The following HS6ST3 variants were observed in gnomAD, a reference collection of about 807,000 sequenced individuals.
The protein encoded by HS6ST3 is heparan sulfate 6-O-sulfotransferase 3, also known as heparan-sulfate 6-O-sulfotransferase 3.
A neutral mutation model predicts 36.7 loss-of-function variants in HS6ST3; 12 were observed. The ratio of observed to expected loss-of-function variants is 0.33; its 90% CI spans 0.21 to 0.53. HS6ST3 has a LOEUF of 0.53. HS6ST3 is among the 20% of genes least tolerant of loss of function. The probability of loss-of-function intolerance (pLI) is 0.95; values close to 1 mark genes in which losing one functional copy is unlikely to be tolerated. For synonymous variants in HS6ST3, 240 were observed against 257.5 expected, an observed-to-expected ratio of 0.93 and a Z score of 0.65; for missense variants, 584 against 640.9, an observed-to-expected ratio of 0.91 and a Z score of 0.96.
chr13:96,340,446 G>C (rs377032855), intron 1 of HS6ST3, among the ~76,000 whole-genome samples: 1 of 152,158 alleles, frequency 6.6e-6, no homozygotes, highest in African/African-American at 2.4e-5. Context: ...TGTGACATAG[G>C]GTTGATGTGA....
At chr13:96,475,019 G>GA (rs1324835952) in intron 1 of HS6ST3, among the ~76,000 whole-genome samples, 4 of 151,900 alleles carry the variant, frequency 2.6e-5, no homozygotes, top group African/African-American at 9.7e-5. Context: ...TTCCTTAGGA[G>GA]AAAATGCAAG....
At chr13:96,104,551 C>T (rs1047116794) in intron 1 of HS6ST3, among the ~76,000 whole-genome samples, 3 of 152,234 alleles carry the variant, frequency 2.0e-5, no homozygotes, top group Admixed American at 6.5e-5. Flanking sequence ...CCTTCCAGCA[C>T]ACTTTTTGTA....
chr13:96,095,335 A>G (rs2053785028), intron 1 of HS6ST3, among the ~76,000 whole-genome samples: 1 of 152,234 alleles, frequency 6.6e-6, no homozygotes, highest in African/African-American at 2.4e-5. Flanking sequence ...CCATTCTTAA[A>G]TAATGATGGA....
intron 1 of HS6ST3, among the ~76,000 whole-genome samples, chr13:96,441,264 A>G (rs1438722198): frequency 6.6e-6 from 1 of 152,136 alleles, no homozygotes; most frequent in East Asian, 1.9e-4. Flanking sequence ...AACTAAGATA[A>G]AGACTTGAAA....
At chr13:96,689,207 C>T (rs778406794) in intron 1 of HS6ST3, among the ~76,000 whole-genome samples, 3 of 152,010 alleles carry the variant, frequency 2.0e-5, no homozygotes, top group Non-Finnish European at 4.4e-5. Context: ...AGGGTTACCA[C>T]TGTACAGAGT....
chr13:96,644,318 T>C (rs2056580637), intron 1 of HS6ST3, among the ~76,000 whole-genome samples: 1 of 152,086 alleles, frequency 6.6e-6, no homozygotes, highest in Non-Finnish European at 1.5e-5. Context: ...AATTATGTCA[T>C]ATAGATTCGG....
chr13:96,431,541 T>C (rs2055615878), intron 1 of HS6ST3, among the ~76,000 whole-genome samples: 3 of 152,202 alleles, frequency 2.0e-5, no homozygotes, highest in Non-Finnish European at 1.5e-5. Flanking sequence ...TTGAGACATT[T>C]TTTAGCATCT....
At chr13:96,383,431 C>A (rs1431660288) in intron 1 of HS6ST3, among the ~76,000 whole-genome samples, 1 of 151,450 alleles carries the variant, frequency 6.6e-6, no homozygotes, top group Non-Finnish European at 1.5e-5. Context: ...GGTGATTGAG[C>A]AAGACTTGGT....
chr13:96,289,444 C>G (rs979234895), intron 1 of HS6ST3, among the ~76,000 whole-genome samples: 3 of 152,050 alleles, frequency 2.0e-5, no homozygotes, highest in Non-Finnish European at 2.9e-5. Flanking sequence ...TATATGGAAA[C>G]AATCCATGAT....
intron 1 of HS6ST3, among the ~76,000 whole-genome samples, chr13:96,684,255 T>C (rs1874700947): frequency 6.6e-6 from 1 of 152,096 alleles, no homozygotes; most frequent in African/African-American, 2.4e-5. Context: ...TACCTTTTCA[T>C]TGGTTTTTCT....
At chr13:96,186,719 C>T (rs919649811) in intron 1 of HS6ST3, among the ~76,000 whole-genome samples, 27 of 152,092 alleles carry the variant, frequency 1.8e-4, no homozygotes, top group African/African-American at 6.5e-4. Context: ...ACATTTTTCC[C>T]CTGAATGTTC....
intron 1 of HS6ST3, among the ~76,000 whole-genome samples, chr13:96,712,320 A>T (rs1380074790): frequency 2.0e-5 from 3 of 152,194 alleles, no homozygotes; most frequent in Admixed American, 6.5e-5. Flanking sequence ...CCAGATCTCT[A>T]TAGATACTTC....
intron 1 of HS6ST3, among the ~76,000 whole-genome samples, chr13:96,348,204 TTCAAGGATG>T (rs555294268): frequency 4.1e-4 from 62 of 152,292 alleles, no homozygotes; most frequent in Non-Finnish European, 4.7e-4. Context: ...GACTGGAAAA[TTCAAGGATG>T]TCAACTGAAA....
intron 1 of HS6ST3, among the ~76,000 whole-genome samples, chr13:96,254,656 T>C (rs2054628473): frequency 6.6e-6 from 1 of 151,346 alleles, no homozygotes; most frequent in South Asian, 2.1e-4. Flanking sequence ...AAGAGCTCAG[T>C]TGGAATCAGC....
chr13:96,168,221 G>A, intron 1 of HS6ST3, among the ~76,000 whole-genome samples: 1 of 152,062 alleles, frequency 6.6e-6, no homozygotes, highest in South Asian at 2.1e-4. Flanking sequence ...CTAGAAGGAG[G>A]GATGGCTATG....
chr13:96,743,108 C>G (rs184826678), intron 1 of HS6ST3, among the ~76,000 whole-genome samples: 76 of 152,140 alleles, frequency 5.0e-4, no homozygotes, highest in African/African-American at 1.8e-3. Context: ...GGAATATGAG[C>G]TCTCCAAGAA....
At chr13:96,798,451 CA>C (rs747909185) in intron 1 of HS6ST3, among the ~76,000 whole-genome samples, 3 of 152,100 alleles carry the variant, frequency 2.0e-5, no homozygotes, top group Non-Finnish European at 4.4e-5. Context: ...GTCAAGTCAT[CA>C]GTGTTCAGAA....
At chr13:96,759,237 C>T (rs1876908163) in intron 1 of HS6ST3, among the ~76,000 whole-genome samples, 1 of 151,756 alleles carries the variant, frequency 6.6e-6, no homozygotes, top group African/African-American at 2.4e-5. Context: ...TACATTTTTA[C>T]CCAGTTGGAA....
At chr13:96,122,070 A>G (rs984921314) in intron 1 of HS6ST3, among the ~76,000 whole-genome samples, 3 of 151,416 alleles carry the variant, frequency 2.0e-5, no homozygotes, top group South Asian at 4.2e-4. Context: ...AGAGATTTAC[A>G]TGCTAGTACT....
Sources: gnomAD v4.1 joint callset for allele counts (sites outside exome capture counted in the v4.1 genomes callset) on GRCh38, gnomAD v4.1.1 for gene constraint, MANE v1.5 for transcripts, NCBI Gene and HGNC (gene_info 2026-07-23, HGNC 2026-07-21) for gene names.